RPS6KA2: variants seen among roughly 807,000 people sequenced by gnomAD.
RPS6KA2 encodes the protein ribosomal protein S6 kinase alpha-2.
Under a neutral mutation model 91.8 loss-of-function variants are expected in RPS6KA2, and 42 were observed. The observed-to-expected ratio is 0.46, with a 90% CI of 0.36 to 0.59. The LOEUF (loss-of-function observed/expected upper bound fraction) is 0.59. RPS6KA2 is among the 20% of genes least tolerant of loss of function. The pLI is 0.00. For synonymous variants in RPS6KA2, 414 were observed against 393.6 expected (o/e 1.05, Z -0.61); for missense variants, 798 against 978.5 (o/e 0.82, Z 2.46).
chr6:166,482,959 C>T (rs1320110668), intron 10 of RPS6KA2, among the ~76,000 whole-genome samples: 1 of 152,212 alleles, frequency 6.6e-6, no homozygotes, highest in African/African-American at 2.4e-5. Flanking sequence ...CTGTTCTAAA[C>T]AAAGGTGGCC....
At chr6:166,614,835 A>G (rs1786344906) in intron 1 of RPS6KA2, among the ~76,000 whole-genome samples, 1 of 152,068 alleles carries the variant, frequency 6.6e-6, no homozygotes, top group African/African-American at 2.4e-5. Flanking sequence ...TCCTCTCACG[A>G]GGACTCTTGT....
chr6:166,820,097 C>T (rs1311186330), intron 2 of RPS6KA2, among the ~76,000 whole-genome samples: 2 of 152,166 alleles, frequency 1.3e-5, no homozygotes, highest in Non-Finnish European at 2.9e-5. Flanking sequence ...GTTTAAGGTG[C>T]TTGCCATGGG....
intron 2 of RPS6KA2, among the ~76,000 whole-genome samples, chr6:166,728,590 C>T (rs2128587910): frequency 6.6e-6 from 1 of 152,326 alleles, no homozygotes; most frequent in Admixed American, 6.5e-5. Flanking sequence ...GTCAGCCAGA[C>T]TCACACCCTC....
chr6:166,523,905 G>A (rs1782937230), intron 3 of RPS6KA2, among the ~76,000 whole-genome samples: 1 of 152,202 alleles, frequency 6.6e-6, no homozygotes, highest in African/African-American at 2.4e-5. Context: ...ATTGATACCT[G>A]TCTATGCGGG....
intron 2 of RPS6KA2, among the ~76,000 whole-genome samples, chr6:166,729,054 A>G (rs7750221): frequency 0.38 from 57,542 of 152,052 alleles, 14,598 homozygotes; most frequent in African/African-American, 0.73. Flanking sequence ...CGGAAGGGCC[A>G]CCCCACAGCA....
At position 166,712,380 on chromosome 6, in the gene RPS6KA2, T is replaced by C. The variant is rs924748979; in HGVS notation, c.123+145820A>G. On this transcript the variant is annotated intron_variant, in intron 2 of 21. Coordinates refer to the RPS6KA2 transcript ENST00000503859. ...TAAACACTGTGCTGAGTACAGATGG[T>C]TTTTTTCTTGACATTGCCAATGAGA... 2.6e-5 allele frequency among the ~76,000 whole-genome samples: 4 copies of C among 152,278 alleles called. No homozygotes were observed. In the East Asian group the frequency reaches 5.8e-4, roughly 22 times the overall value.
chr6:166,573,534 C>T (rs1332062367), intron 1 of RPS6KA2, among the ~76,000 whole-genome samples: 1 of 152,258 alleles, frequency 6.6e-6, no homozygotes, highest in Non-Finnish European at 1.5e-5. Context: ...CATCCAGGTG[C>T]CTCCCTGCAG....
intron 2 of RPS6KA2, among the ~76,000 whole-genome samples, chr6:166,683,659 T>C (rs927768504): frequency 3.3e-5 from 5 of 152,230 alleles, no homozygotes; most frequent in Middle Eastern, 3.2e-3. Context: ...AATCAATGTC[T>C]CTGGATAACT....
intron 2 of RPS6KA2, among the ~76,000 whole-genome samples, chr6:166,712,028 G>A (rs1165375165): frequency 2.0e-5 from 3 of 152,236 alleles, no homozygotes; most frequent in Non-Finnish European, 4.4e-5. Context: ...AGGGCACACT[G>A]TGAACACCTC....
chr6:166,591,938 G>C (rs893544119), intron 1 of RPS6KA2, among the ~76,000 whole-genome samples: 2 of 152,182 alleles, frequency 1.3e-5, no homozygotes, highest in Non-Finnish European at 2.9e-5. Context: ...GATGGCACTG[G>C]CTGGGCCCAC....
Position 166,533,493 on chromosome 6 carries a change from G to A in RPS6KA2, c.217-2180C>T, listed in dbSNP as rs1783368735. On this transcript the variant is annotated intron_variant, in intron 2 of 20. Transcript: ENST00000265678. This position sits in a 1 kb window ranked among gnomAD's most constrained non-coding sequence, Gnocchi z 4.0. ...GTGGCAGGGACGCCACATTTCCCCG[G>A]CATCCTGCAGGTAAGTTGGGCAGTG... is the stretch of plus-strand genomic sequence containing the variant. Among the ~76,000 whole-genome samples, 1 of 152,266 alleles carries A rather than the reference G, an allele frequency of 6.6e-6. No homozygotes were observed. The highest frequency in any genetic ancestry group is 1.5e-5 in the Non-Finnish European group (1 of 68,052).
At chr6:166,523,912 C>A (rs1265367198) in intron 3 of RPS6KA2, among the ~76,000 whole-genome samples, 2 of 152,170 alleles carry the variant, frequency 1.3e-5, no homozygotes, top group South Asian at 2.1e-4. Context: ...CCTGTCTATG[C>A]GGGTCACTAC....
rs1177418845 is a variant in RPS6KA2 at position 166,852,441 on chromosome 6, T to G, written c.123+5759A>C. Among the ~76,000 whole-genome samples the G allele has an allele frequency of 6.6e-6, 1 of 151,958 alleles. No homozygotes were observed. The highest frequency in any genetic ancestry group is 1.5e-5 in the Non-Finnish European group (1 of 68,010). ...TAGATTGTTTTTCTTTCTGTTTTTT[T>G]ATGAGGAACAATGGAATTCTGTCTG... On this transcript the variant is annotated intron_variant, in intron 2 of 21. Transcript: ENST00000503859. The surrounding 1 kb of genome is among the most constrained non-coding windows in gnomAD (Gnocchi z 4.1).
At chr6:166,846,825 C>T (rs1010649928) in intron 2 of RPS6KA2, among the ~76,000 whole-genome samples, 12 of 152,150 alleles carry the variant, frequency 7.9e-5, no homozygotes, top group Admixed American at 2.0e-4. Flanking sequence ...ACTTTCACCA[C>T]TTCTATTCAA....
intron 2 of RPS6KA2, among the ~76,000 whole-genome samples, chr6:166,847,203 G>T (rs1250174606): frequency 1.3e-5 from 2 of 151,872 alleles, no homozygotes. Context: ...CCTAACCAAG[G>T]AGGTGAAAGA....
intron 2 of RPS6KA2, among the ~76,000 whole-genome samples, chr6:166,652,607 A>G (rs963078324): frequency 1.3e-5 from 2 of 152,166 alleles, no homozygotes; most frequent in Admixed American, 6.5e-5. Flanking sequence ...TACATTTGTC[A>G]GTGTCAGAGC....
intron 3 of RPS6KA2, among the ~76,000 whole-genome samples, chr6:166,517,696 C>T (rs1048885185): frequency 2.7e-5 from 4 of 150,936 alleles, no homozygotes; most frequent in African/African-American, 4.9e-5. Context: ...AGGATGGTCT[C>T]GATCTCCTGA....
At chr6:166,522,759 C>T (rs544890934) in intron 3 of RPS6KA2, among the ~76,000 whole-genome samples, 1 of 152,310 alleles carries the variant, frequency 6.6e-6, no homozygotes, top group Non-Finnish European at 1.5e-5. Flanking sequence ...AAAAAACGGA[C>T]TTCCACGAGC....
intron 1 of RPS6KA2, among the ~76,000 whole-genome samples, chr6:166,614,421 G>A (rs1177838016): frequency 2.0e-5 from 3 of 152,132 alleles, no homozygotes; most frequent in African/African-American, 7.2e-5. Context: ...CCCAGGCCCC[G>A]AGGGCAGGTG....
Sources: allele counts gnomAD v4.1 joint callset (sites outside exome capture counted in the v4.1 genomes callset), GRCh38; gene constraint gnomAD v4.1.1; non-coding constraint Gnocchi (gnomAD v3.1); transcripts MANE v1.5; gene names NCBI Gene and HGNC (gene_info 2026-07-23, HGNC 2026-07-21).